The following RARB variants were observed in gnomAD, a reference collection of about 807,000 sequenced individuals.
RARB encodes retinoic acid receptor beta, also known as HBV-activated protein.
Under a neutral mutation model 51.9 loss-of-function variants are expected in RARB, and 17 were observed. The observed-to-expected ratio is 0.33, with a 90% confidence interval of 0.22 to 0.49. The LOEUF (loss-of-function observed/expected upper bound fraction) is 0.49. RARB is among the 20% of genes least tolerant of loss of function. The probability of loss-of-function intolerance (pLI) is 0.99; values close to 1 mark genes in which losing one functional copy is unlikely to be tolerated. For synonymous variants in RARB, 215 were observed against 195.4 expected (o/e 1.10, Z -0.84); for missense variants, 369 against 550.8 (o/e 0.67, Z 3.30).
At chr3:25,411,091 G>A (rs201375132) in intron 5 of RARB, among the ~76,000 whole-genome samples, 3 of 152,090 alleles carry the variant, frequency 2.0e-5, no homozygotes, top group Non-Finnish European at 4.4e-5. Flanking sequence ...TTCTGAAATC[G>A]AGTTCATAGA....
At chr3:25,295,353 G>A (rs1703891665) in intron 5 of RARB, among the ~76,000 whole-genome samples, 2 of 152,138 alleles carry the variant, frequency 1.3e-5, no homozygotes, top group Admixed American at 1.3e-4. Context: ...GTTTGAGGGA[G>A]ACCCCTTTGT....
At chr3:25,181,767 G>A (rs1190884164) in intron 5 of RARB, among the ~76,000 whole-genome samples, 2 of 152,094 alleles carry the variant, frequency 1.3e-5, no homozygotes, top group East Asian at 1.9e-4. Context: ...TGCCATGCAA[G>A]TCAGTAGTAG....
chr3:25,423,036 T>G (rs1707901722), intron 5 of RARB, among the ~76,000 whole-genome samples: 1 of 152,212 alleles, frequency 6.6e-6, no homozygotes, highest in Admixed American at 6.5e-5. Flanking sequence ...AGTTGAGCAG[T>G]TGCAACAGAG....
At chr3:25,426,873 G>A (rs1017495333), upstream of RARB, among the ~76,000 whole-genome samples, 2 of 152,136 alleles carry the variant, frequency 1.3e-5, no homozygotes, top group African/African-American at 4.8e-5. Flanking sequence ...ATCCTTCTTA[G>A]TGTTTTAGGA....
chr3:25,411,237 G>A (rs578190579), intron 5 of RARB, among the ~76,000 whole-genome samples: 1 of 152,284 alleles, frequency 6.6e-6, no homozygotes, highest in South Asian at 2.1e-4. Context: ...AGATGAAGAA[G>A]TCACACATTC....
intron 1 of RARB, among the ~76,000 whole-genome samples, chr3:25,438,555 A>G (rs1708530817): frequency 6.6e-6 from 1 of 152,158 alleles, no homozygotes; most frequent in Admixed American, 6.5e-5. Flanking sequence ...ACAACCCTAT[A>G]AGTGAGATGT....
In RARB at chr3:24,989,774, CTTTTTTTTTTTT is replaced by C. The variant is rs769275874; in HGVS notation, c.-379-70326_-379-70315del. On this transcript the variant is annotated intron_variant, in intron 2 of 11. Transcript: ENST00000383772. ...ATTTTAACTGTTGTCATATGTTTTT[CTTTTTTTTTTTT>C]TTTTTTTTTTTTTTTTTTTTTTTTG... 2.4e-3 allele frequency among the ~76,000 whole-genome samples: 70 copies of C among 29,532 alleles called. 16 individuals are homozygous for C. The highest frequency in any genetic ancestry group is 0.016 in the Middle Eastern group (1 of 64). 19.4% of individuals were successfully genotyped at this position (29,532 alleles called of 152,430 possible). A position where few individuals can be genotyped will look rare whatever the true frequency, so the allele number is the denominator to read the frequency against.
chr3:25,489,996 C>T (rs1326727695), intron 2 of RARB, among the ~76,000 whole-genome samples: 3 of 152,242 alleles, frequency 2.0e-5, no homozygotes, highest in African/African-American at 7.2e-5. Context: ...AATATTTTCT[C>T]AATAAACTTA....
chr3:25,199,535 G>T (rs1335436406), intron 5 of RARB, among the ~76,000 whole-genome samples: 2 of 152,042 alleles, frequency 1.3e-5, no homozygotes, highest in Non-Finnish European at 2.9e-5. Context: ...CATGTGCCAT[G>T]TTGGTGTGCT....
At chr3:25,527,687 G>A (rs1369515603) in intron 3 of RARB, among the ~76,000 whole-genome samples, 1 of 152,124 alleles carries the variant, frequency 6.6e-6, no homozygotes, top group Non-Finnish European at 1.5e-5. Context: ...AAGGTAAAAA[G>A]GGTTTTTTGA....
intron 5 of RARB, among the ~76,000 whole-genome samples, chr3:25,250,712 C>G (rs532339129): frequency 2.6e-5 from 4 of 152,256 alleles, no homozygotes; most frequent in Admixed American, 6.5e-5. Flanking sequence ...GGGCTGGGCT[C>G]TCAAAGTGGC....
chr3:24,877,811 G>A (rs1703076539), intron 2 of RARB, among the ~76,000 whole-genome samples: 2 of 152,192 alleles, frequency 1.3e-5, no homozygotes, highest in African/African-American at 4.8e-5. Context: ...AGGTCACCAT[G>A]CTGGAAAATC....
intron 5 of RARB, among the ~76,000 whole-genome samples, chr3:25,401,353 C>A (rs1707258490): frequency 6.6e-6 from 1 of 152,098 alleles, no homozygotes; most frequent in African/African-American, 2.4e-5. Context: ...GAATGATAGC[C>A]CTTATAATTT....
intron 3 of RARB, among the ~76,000 whole-genome samples, chr3:25,566,585 G>A (rs940325245): frequency 2.6e-5 from 4 of 152,104 alleles, no homozygotes; most frequent in African/African-American, 9.7e-5. Context: ...GCTCACCCAG[G>A]GCCCCTTCCC....
rs1251581918 is a variant in RARB at position 24,842,609 on chromosome 3, C to T, written c.-459+13206C>T. ...TTAAGTAATAGTCCTCTTGAGAAAT[C>T]CTGGGTACTTTTTCGAGGTCACAAT... On this transcript the variant is annotated intron_variant, in intron 1 of 11. Coordinates refer to the RARB transcript ENST00000383772. 2.0e-5 allele frequency among the ~76,000 whole-genome samples: 3 copies of T among 152,100 alleles called. No individual in the cohort carries two copies. The South Asian group carries it at 6.2e-4, about 32-fold the overall frequency.
intron 2 of RARB, among the ~76,000 whole-genome samples, chr3:24,901,065 T>C (rs2125371543): frequency 6.6e-6 from 1 of 152,350 alleles, no homozygotes; most frequent in South Asian, 2.1e-4. Flanking sequence ...TATGCTCTGT[T>C]AAATACTCAT....
At chr3:25,205,208 G>A (rs773591574) in intron 5 of RARB, among the ~76,000 whole-genome samples, 11 of 152,162 alleles carry the variant, frequency 7.2e-5, no homozygotes, top group African/African-American at 9.7e-5. Context: ...CTCCATGGGC[G>A]TAGGACCCTC....
rs533205649 is a variant in RARB at position 25,175,336 on chromosome 3, C to T, written c.178+761C>T. ...GGTTTAGCATCTGGAGGTGAAAAGGCATATTTATTTAACAACAGGCATCCA... is the reference window on the plus strand; with the variant it reads ...GGTTTAGCATCTGGAGGTGAAAAGGTATATTTATTTAACAACAGGCATCCA... On this transcript the variant is annotated intron_variant, in intron 5 of 11. Coordinates refer to the RARB transcript ENST00000383772. 9.2e-5 allele frequency among the ~76,000 whole-genome samples: 14 copies of T among 152,300 alleles called. No individual in the cohort carries two copies. In the South Asian group the frequency reaches 2.1e-3, roughly 23 times the overall value.
rs148189868 is a variant in RARB, at chr3:24,952,046, T to C, written c.-380+93294T>C. The stretch of plus-strand genomic sequence containing the variant: ...ATCTGTTCAGCTAGATGCAAACAAT[T>C]AAAATAGCTTTCTCCATAACTTTTC... On this transcript the variant is annotated intron_variant, in intron 2 of 11. Transcript: ENST00000383772. Among the ~76,000 whole-genome samples, 11 of 152,316 alleles carry C rather than the reference T, an allele frequency of 7.2e-5. No homozygotes were observed. The East Asian group carries it at 2.1e-3, about 29-fold the overall frequency.
Sources: allele counts gnomAD v4.1 joint callset (sites outside exome capture counted in the v4.1 genomes callset), GRCh38; gene constraint gnomAD v4.1.1; transcripts MANE v1.5; gene names NCBI Gene and HGNC (gene_info 2026-07-23, HGNC 2026-07-21).